NFILZ: variants seen among roughly 807,000 people sequenced by gnomAD.
NFILZ encodes NFIL3 like basic leucine zipper.
At chr19:8,653,044 C>T (rs1168486572) in intron 3 of NFILZ, among the ~76,000 whole-genome samples, 1,605 of 64,886 alleles carry the variant, frequency 0.025, 28 homozygotes, top group East Asian at 0.042. Flanking sequence ...TTCTTTCTCT[C>T]TCTCTCTCTC....
chr19:8,652,996 C>T (rs1409334848), intron 3 of NFILZ, among the ~76,000 whole-genome samples: 6,836 of 40,422 alleles, frequency 0.17, 552 homozygotes, highest in East Asian at 0.47. Flanking sequence ...TCCTTCCTTC[C>T]TTCCTTCCTT....
At chr19:8,656,337 C>CCTGCAGCCCACCTTCTCT (rs2042996298) in intron 3 of NFILZ, among the ~76,000 whole-genome samples, 1 of 59,238 alleles carries the variant, frequency 1.7e-5, no homozygotes. Context: ...CCCCCTTCTT[C>CCTGCAGCCCACCTTCTCT]CTGAAGCCCA....
chr19:8,658,004 G>A (rs1600148795), intron 3 of NFILZ, among the ~76,000 whole-genome samples: 1 of 152,156 alleles, frequency 6.6e-6, no homozygotes, highest in Non-Finnish European at 1.5e-5. Context: ...TCCCTGGCGA[G>A]GGGGGAACAG....
chr19:8,665,310 T>C (rs143626837), intron 3 of NFILZ, among the ~76,000 whole-genome samples: 40 of 151,986 alleles, frequency 2.6e-4, no homozygotes, highest in African/African-American at 9.4e-4. Context: ...GAAGAAACAT[T>C]ATGTGGAGGT....
At chr19:8,632,046 T>C (rs1157997040) in intron 1 of NFILZ, among the ~76,000 whole-genome samples, 4 of 151,948 alleles carry the variant, frequency 2.6e-5, no homozygotes. Context: ...TTTTTGTACT[T>C]TTAGTAGAGA....
intron 3 of NFILZ, among the ~76,000 whole-genome samples, chr19:8,670,592 C>T (rs1438646021): frequency 5.3e-5 from 8 of 152,180 alleles, no homozygotes; most frequent in Admixed American, 2.0e-4. Context: ...CCTCTCTTTC[C>T]CAAAGGGGTG....
At chr19:8,666,050 T>G (rs936832956) in intron 3 of NFILZ, among the ~76,000 whole-genome samples, 20,819 of 151,934 alleles carry the variant, frequency 0.14, 1,982 homozygotes, top group East Asian at 0.51. Context: ...CTCACCTTTT[T>G]TTTTTTGTCC....
chr19:8,644,717 C>T (rs1230176481), intron 3 of NFILZ, among the ~76,000 whole-genome samples: 4 of 151,774 alleles, frequency 2.6e-5, no homozygotes, highest in East Asian at 1.9e-4. Flanking sequence ...CCTTCTGCCT[C>T]GGCCTCCTAA....
intron 3 of NFILZ, among the ~76,000 whole-genome samples, chr19:8,659,122 C>T (rs1467012340): frequency 6.6e-6 from 1 of 151,854 alleles, no homozygotes; most frequent in Admixed American, 6.6e-5. Context: ...TGGTGTGTGC[C>T]TGTGATCCCA....
intron 3 of NFILZ, among the ~76,000 whole-genome samples, chr19:8,672,509 T>C (rs567549179): frequency 6.6e-6 from 1 of 152,300 alleles, no homozygotes; most frequent in Admixed American, 6.5e-5. Flanking sequence ...ACTTATTTGT[T>C]CATTCAAAAT....
At position 8,680,087 on chromosome 19, in the gene NFILZ, T is replaced by C. The variant is rs1011928951; in HGVS notation, c.*2452T>C. On this transcript the variant is annotated 3_prime_UTR_variant, in exon 6 of 6. Coordinates refer to ENST00000691075, the MANE Select transcript of NFILZ (RefSeq NM_001378600.1). The stretch of plus-strand genomic sequence containing the variant: ...AGCGAGCGCCTGTAATCTCAGCTAC[T>C]TGGGAGGCTGAGGCATGAAAATCAC... Among the ~76,000 whole-genome samples the C allele has an allele frequency of 5.3e-5, 8 of 151,152 alleles. No individual in the cohort carries two copies. Among genetic ancestry groups the C allele is most frequent in the Non-Finnish European group, 1.0e-4 (7 of 67,902 alleles).
At chr19:8,676,665 T>C (rs913383822) in intron 5 of NFILZ, among the ~76,000 whole-genome samples, 86 bp from the exon 6 acceptor site, 3 of 152,234 alleles carry the variant, frequency 2.0e-5, no homozygotes, top group African/African-American at 7.2e-5. Context: ...CCATGGGTGA[T>C]GGTGGAGACA....
intron 3 of NFILZ, among the ~76,000 whole-genome samples, chr19:8,646,077 C>T (rs938243205): frequency 6.6e-6 from 1 of 151,800 alleles, no homozygotes; most frequent in African/African-American, 2.4e-5. Flanking sequence ...TGCTCTGTTG[C>T]CCAGGCTGGA....
At chr19:8,654,364 T>C (rs1555748115) in intron 3 of NFILZ, among the ~76,000 whole-genome samples, 1 of 149,600 alleles carries the variant, frequency 6.7e-6, no homozygotes, top group Admixed American at 6.6e-5. Flanking sequence ...ATGCCTGTAA[T>C]CCCAGCACTT....
chr19:8,632,810 C>T (rs2042876382), intron 2 of NFILZ, among the ~76,000 whole-genome samples, 185 bp downstream of exon 2: 1 of 151,652 alleles, frequency 6.6e-6, no homozygotes, highest in South Asian at 2.1e-4. Flanking sequence ...GCAACCTCCG[C>T]CTCCCAGGTT....
chr19:8,634,784 G>A (rs1409923174), intron 2 of NFILZ, among the ~76,000 whole-genome samples: 3 of 152,126 alleles, frequency 2.0e-5, no homozygotes, highest in East Asian at 3.9e-4. Context: ...GGAGGCTAAG[G>A]TGGGAGGATC....
chr19:8,662,762 G>C (rs1361117398), intron 3 of NFILZ, among the ~76,000 whole-genome samples: 1 of 149,194 alleles, frequency 6.7e-6, no homozygotes, highest in Non-Finnish European at 1.5e-5. Flanking sequence ...TCAGCCTCCT[G>C]AGTAGCTGGG....
At chr19:8,665,378 G>A (rs551292716) in intron 3 of NFILZ, among the ~76,000 whole-genome samples, 2 of 152,298 alleles carry the variant, frequency 1.3e-5, no homozygotes, top group African/African-American at 4.8e-5. Context: ...TGGTGTGTTT[G>A]AGGAGGGCTA....
intron 3 of NFILZ, among the ~76,000 whole-genome samples, chr19:8,673,752 A>G (rs2043098728): frequency 6.6e-6 from 1 of 152,134 alleles, no homozygotes; most frequent in African/African-American, 2.4e-5. Context: ...TTCTGTGACT[A>G]GGTGGTCCTG....
Sources: gnomAD v4.1 joint callset for allele counts (sites outside exome capture counted in the v4.1 genomes callset) on GRCh38, gnomAD v4.1.1 for gene constraint, MANE v1.5 for transcripts, NCBI Gene and HGNC (gene_info 2026-07-23, HGNC 2026-07-21) for gene names.